CCDC91: variants seen among roughly 807,000 people sequenced by gnomAD.
CCDC91 encodes the protein coiled-coil domain containing 91.
In CCDC91, 48 loss-of-function variants were observed where a neutral mutation model predicts 63.2. The ratio of observed to expected loss-of-function variants is 0.76; its 90% CI spans 0.60 to 0.97. CCDC91 has a LOEUF of 0.97. Ranked by LOEUF, CCDC91 falls within the 50% of genes least tolerant of loss-of-function variation. The pLI is 0.00. For missense variants in CCDC91, 500 were observed against 494.6 expected (o/e 1.01, Z -0.10); for synonymous variants, 167 against 165.8 (o/e 1.01, Z -0.06).
chr12:28,262,538 G>C (rs1946895617), intron 3 of CCDC91, among the ~76,000 whole-genome samples: 1 of 151,946 alleles, frequency 6.6e-6, no homozygotes, highest in Non-Finnish European at 1.5e-5. Context: ...TGTATAGCCT[G>C]CAGTTCTGTC....
At chr12:28,274,764 G>A (rs1224048251) in intron 3 of CCDC91, among the ~76,000 whole-genome samples, 3 of 152,002 alleles carry the variant, frequency 2.0e-5, no homozygotes, top group African/African-American at 4.8e-5. Flanking sequence ...AGTTTTGTAG[G>A]TATACAATCA....
At chr12:28,432,955 C>T (rs552760832) in intron 8 of CCDC91, among the ~76,000 whole-genome samples, 42 of 152,064 alleles carry the variant, frequency 2.8e-4, no homozygotes, top group Non-Finnish European at 5.2e-4. Flanking sequence ...TTCACATTTC[C>T]CTGATATGGG....
intron 8 of CCDC91, among the ~76,000 whole-genome samples, chr12:28,440,678 T>C (rs1446083825): frequency 6.6e-6 from 1 of 152,068 alleles, no homozygotes; most frequent in Non-Finnish European, 1.5e-5. Flanking sequence ...TCATGAAACA[T>C]ATATCTGACA....
intron 8 of CCDC91, among the ~76,000 whole-genome samples, chr12:28,400,665 GC>G (rs772672851): frequency 8.5e-5 from 13 of 152,182 alleles, no homozygotes; most frequent in Admixed American, 1.3e-4. Flanking sequence ...AAAACTGAAT[GC>G]TTTTAACAGC....
chr12:28,502,917 T>G (rs1250503955), intron 12 of CCDC91, among the ~76,000 whole-genome samples: 1 of 149,294 alleles, frequency 6.7e-6, no homozygotes, highest in Non-Finnish European at 1.5e-5. Context: ...CCTTACACCT[T>G]ATACAAAAAT....
intron 12 of CCDC91, among the ~76,000 whole-genome samples, chr12:28,546,962 CTG>C (rs1565555444): frequency 6.6e-6 from 1 of 152,020 alleles, no homozygotes; most frequent in Admixed American, 6.6e-5. Flanking sequence ...ACTTACATGT[CTG>C]TCAATGGGAA....
At chr12:28,541,326 AAAGAATAAG>A in intron 12 of CCDC91, among the ~76,000 whole-genome samples, 1 of 151,606 alleles carries the variant, frequency 6.6e-6, no homozygotes, top group South Asian at 2.1e-4. Flanking sequence ...TGTGCAAAGA[AAAGAATAAG>A]ACTTGTGGAC....
intron 12 of CCDC91, among the ~76,000 whole-genome samples, chr12:28,502,696 C>A (rs2141154233): frequency 6.6e-6 from 1 of 151,648 alleles, no homozygotes; most frequent in East Asian, 1.9e-4. Flanking sequence ...TACAAGGCTA[C>A]AATAACCAAA....
At chr12:28,479,056 G>A (rs1049328369) in intron 11 of CCDC91, among the ~76,000 whole-genome samples, 1 of 152,144 alleles carries the variant, frequency 6.6e-6, no homozygotes, top group Non-Finnish European at 1.5e-5. Context: ...ACAGTATGGC[G>A]ATTCCTCGAG....
intron 3 of CCDC91, chr12:28,268,510 T>C (rs974644969): frequency 1.1e-4 from 24 of 218,072 alleles, no homozygotes; most frequent in Non-Finnish European, 1.7e-4. Flanking sequence ...ACTGACAGAC[T>C]GTTCTATAAT....
At chr12:28,392,332 A>G (rs936802175) in intron 8 of CCDC91, among the ~76,000 whole-genome samples, 35 of 152,188 alleles carry the variant, frequency 2.3e-4, no homozygotes, top group African/African-American at 8.0e-4. Flanking sequence ...CTGGCTTCAA[A>G]TAGCAAAAGT....
chr12:28,513,675 G>A (rs1258193387), intron 12 of CCDC91, among the ~76,000 whole-genome samples: 2 of 151,780 alleles, frequency 1.3e-5, no homozygotes, highest in Non-Finnish European at 2.9e-5. Context: ...ACCCTTAATT[G>A]TATCACTCTC....
intron 3 of CCDC91, 22 bp downstream of exon 3, chr12:28,259,464 G>GTT (rs199541046): frequency 0.012 from 13,150 of 1,075,112 alleles, 130 homozygotes; most frequent in South Asian, 0.015. Flanking sequence ...CAGGAATTAG[G>GTT]GTTTTTTTTT....
At chr12:28,356,018 A>T (rs907005266) in intron 6 of CCDC91, among the ~76,000 whole-genome samples, 5 of 152,084 alleles carry the variant, frequency 3.3e-5, no homozygotes, top group Admixed American at 3.3e-4. Flanking sequence ...GATTCTTATC[A>T]TGTGTGTTTT....
intron 8 of CCDC91, among the ~76,000 whole-genome samples, chr12:28,439,183 A>G (rs192634063): frequency 6.6e-6 from 1 of 152,192 alleles, no homozygotes; most frequent in East Asian, 1.9e-4. Flanking sequence ...ATCTGCTATT[A>G]TAGTTTTATG....
intron 7 of CCDC91, among the ~76,000 whole-genome samples, chr12:28,367,947 TG>T (rs1217686082): frequency 6.6e-6 from 1 of 152,212 alleles, no homozygotes; most frequent in East Asian, 1.9e-4. Flanking sequence ...AGACTGCCTT[TG>T]GGTGCAAGCT....
At chr12:28,269,162 T>C (rs1483569981) in intron 3 of CCDC91, among the ~76,000 whole-genome samples, 2 of 152,150 alleles carry the variant, frequency 1.3e-5, no homozygotes, top group Admixed American at 6.6e-5. Flanking sequence ...TTGTATTTAC[T>C]CAGGTTGAGT....
chr12:28,218,321 T>G (rs1197761706), intron 1 of CCDC91, among the ~76,000 whole-genome samples: 1 of 152,180 alleles, frequency 6.6e-6, no homozygotes, highest in Non-Finnish European at 1.5e-5. Context: ...GTGACAAGCA[T>G]AGAGGCTGTG....
At chr12:28,328,169 C>G (rs1157615643) in intron 6 of CCDC91, among the ~76,000 whole-genome samples, 1 of 152,068 alleles carries the variant, frequency 6.6e-6, no homozygotes, top group Non-Finnish European at 1.5e-5. Flanking sequence ...TGCCATCTAC[C>G]TTACATTATT....
Sources: allele counts gnomAD v4.1 joint callset (sites outside exome capture counted in the v4.1 genomes callset), GRCh38; gene constraint gnomAD v4.1.1; transcripts MANE v1.5; gene names NCBI Gene and HGNC (gene_info 2026-07-23, HGNC 2026-07-21).